RPH3AL: variants seen among roughly 807,000 people sequenced by gnomAD.
RPH3AL encodes the protein rab effector Noc2.
In RPH3AL, 38 loss-of-function variants were observed where a neutral mutation model predicts 43.1. That is an observed-to-expected ratio of 0.88 (90% CI 0.68 to 1.15). The LOEUF (loss-of-function observed/expected upper bound fraction) is 1.15. RPH3AL is among the 50% of genes most tolerant of loss of function. The pLI, the probability that RPH3AL is intolerant of heterozygous loss-of-function variation, is 0.00. For missense variants in RPH3AL, 462 were observed against 423.2 expected (o/e 1.09, Z -0.81); for synonymous variants, 189 against 176.3 (o/e 1.07, Z -0.57).
chr17:306,549 T>G (rs529331895), intron 5 of RPH3AL: 12 of 152,352 alleles, frequency 7.9e-5, no homozygotes, highest in African/African-American at 2.9e-4. Context: ...GGCTAACTCC[T>G]GTCTTCAGAG....
chr17:286,162 A>C (rs1482319528), intron 5 of RPH3AL, among the ~76,000 whole-genome samples: 18 of 152,158 alleles, frequency 1.2e-4, no homozygotes, highest in Non-Finnish European at 1.6e-4. Context: ...GTGTCCACGG[A>C]ACTGAGTCCT....
rs188594184 is a variant in RPH3AL at position 230,821 on chromosome 17, C to T, written c.614-11085G>A. On this transcript the variant is annotated intron_variant, in intron 7 of 9. Coordinates refer to ENST00000331302, the MANE Select transcript of RPH3AL (RefSeq NM_006987.4). ...GGCCTTCACTGTTCTTCCACCTCATCTCTTTGTGCCTCCCTTGTTTTTTGT... is the reference window on the plus strand; with the variant it reads ...GGCCTTCACTGTTCTTCCACCTCATTTCTTTGTGCCTCCCTTGTTTTTTGT... 3.8e-4 allele frequency among the ~76,000 whole-genome samples: 58 copies of T among 152,306 alleles called. No individual in the cohort carries two copies. In the East Asian group the frequency reaches 0.011, roughly 28 times the overall value.
intron 1 of RPH3AL, among the ~76,000 whole-genome samples, chr17:336,310 A>T (rs1481743149): frequency 6.6e-6 from 1 of 152,184 alleles, no homozygotes; most frequent in Non-Finnish European, 1.5e-5. Context: ...AGACTCAGAG[A>T]GGGAGCCTCA....
intron 8 of RPH3AL, among the ~76,000 whole-genome samples, chr17:218,895 G>C (rs12941133): frequency 0.18 from 26,880 of 152,142 alleles, 3,215 homozygotes; most frequent in Non-Finnish European, 0.26. Context: ...AGGGAGGTCT[G>C]CACCTGATTT....
intron 7 of RPH3AL, among the ~76,000 whole-genome samples, chr17:221,645 C>T (rs1475278767): frequency 1.4e-5 from 2 of 145,986 alleles, no homozygotes; most frequent in Non-Finnish European, 3.0e-5. Flanking sequence ...GGGCTCCACT[C>T]ACTGAGACAA....
chr17:274,588 C>A lies in RPH3AL; in HGVS notation c.438+7180G>T, dbSNP rs550458065. ...GGGAGAGCAGGAAGAGCGGAGGAGA[C>A]AGCATAAGCCAGGGGCTGCGGTCCC... On this transcript the variant is annotated intron_variant, in intron 6 of 9. Coordinates refer to ENST00000331302, the MANE Select transcript of RPH3AL (RefSeq NM_006987.4). This position sits in a 1 kb window ranked among gnomAD's most constrained non-coding sequence, Gnocchi z 4.7. 2.0e-5 allele frequency among the ~76,000 whole-genome samples: 3 copies of A among 152,078 alleles called. No individual in the cohort carries two copies. The highest frequency in any genetic ancestry group is 4.4e-5 in the Non-Finnish European group (3 of 68,008).
rs193078042 is a variant in RPH3AL at position 335,052 on chromosome 17, C to G, written c.-212-1118G>C. On this transcript the variant is annotated intron_variant, in intron 1 of 9. Coordinates refer to ENST00000331302, the MANE Select transcript of RPH3AL (RefSeq NM_006987.4). ...TCCTAGGGTGTGGCACGAACGAGCG[C>G]GCTTTCATCCAGCCACAGGGTCCGA... Among the ~76,000 whole-genome samples, 459 of 152,328 alleles carry G rather than the reference C, an allele frequency of 3.0e-3. 1 individual carries two copies. The highest frequency in any genetic ancestry group is 9.6e-3 in the African/African-American group (399 of 41,562).
chr17:278,957 GC>G (rs1161985368), intron 6 of RPH3AL, among the ~76,000 whole-genome samples: 1 of 152,104 alleles, frequency 6.6e-6, no homozygotes, highest in Non-Finnish European at 1.5e-5. Context: ...TACAATTACA[GC>G]CAGAGATGAT....
chr17:321,624 C>T (rs558842713), intron 3 of RPH3AL: 417 of 451,570 alleles, frequency 9.2e-4, no homozygotes, highest in South Asian at 3.6e-3. Flanking sequence ...GCAACAGAGA[C>T]GGCCCAGGTT....
chr17:349,356 G>C (rs1008620593), intron 1 of RPH3AL: 8 of 152,154 alleles, frequency 5.3e-5, no homozygotes, highest in Non-Finnish European at 8.8e-5. Flanking sequence ...AGTGCACCTT[G>C]AGCTTTCACT....
intron 2 of RPH3AL, chr17:332,915 G>C (rs2044825859): frequency 5.7e-6 from 5 of 883,840 alleles, no homozygotes; most frequent in African/African-American, 1.7e-5. Context: ...CGCAGTACAG[G>C]GACTAGGAGG....
intron 5 of RPH3AL, among the ~76,000 whole-genome samples, chr17:316,053 C>A (rs1555519912): frequency 1.1e-4 from 15 of 130,978 alleles, no homozygotes; most frequent in East Asian, 9.9e-4. Flanking sequence ...GTCCCTGTGA[C>A]TCCACCTCCA....
chr17:273,146 C>T (rs1597988403), intron 6 of RPH3AL, among the ~76,000 whole-genome samples: 1 of 39,424 alleles, frequency 2.5e-5, no homozygotes, highest in African/African-American at 7.8e-5. Flanking sequence ...GAGACCCCAG[C>T]GAGGGTGATG....
intron 6 of RPH3AL, among the ~76,000 whole-genome samples, chr17:254,463 T>G (rs1185598407): frequency 7.2e-5 from 1 of 13,864 alleles, no homozygotes; most frequent in Non-Finnish European, 1.2e-4. Flanking sequence ...CGTCTGTCCT[T>G]TTCCGTCCCT....
intron 1 of RPH3AL, among the ~76,000 whole-genome samples, chr17:342,549 A>T (rs1188196021): frequency 6.6e-6 from 1 of 152,280 alleles, no homozygotes. Context: ...GTATCGATTC[A>T]TGCTACAACA....
At chr17:214,033 G>A (rs77852841) in intron 9 of RPH3AL, 110 bp from the exon 10 acceptor site, 58,401 of 785,656 alleles carry the variant, frequency 0.074, 2,600 homozygotes, top group South Asian at 0.15. Context: ...GGGGAAGGCA[G>A]GCTTCTGCTG....
Position 286,008 on chromosome 17 carries a change from G to A in RPH3AL, c.352-4154C>T, listed in dbSNP as rs377017787. On this transcript the variant is annotated intron_variant, in intron 5 of 9. Coordinates refer to ENST00000331302, the MANE Select transcript of RPH3AL (RefSeq NM_006987.4). ...GGGCCCAGGCCCCACTGTGCACCCC[G>A]GGATGCCCTCAACACTTGCTCCGAT... Among the ~76,000 whole-genome samples, 125 of 152,306 alleles carry A rather than the reference G, an allele frequency of 8.2e-4. 3 individuals are homozygous for A. Among genetic ancestry groups the A allele is most frequent in the Middle Eastern group, 3.4e-3 (1 of 294 alleles).
At chr17:297,470 C>T (rs536420208) in intron 5 of RPH3AL, among the ~76,000 whole-genome samples, 5 of 152,250 alleles carry the variant, frequency 3.3e-5, no homozygotes, top group Admixed American at 6.5e-5. Context: ...ACCGAGCCCT[C>T]GTCCTGTGGG....
chr17:334,813 C>T (rs567849970), intron 1 of RPH3AL, among the ~76,000 whole-genome samples: 11 of 51,014 alleles, frequency 2.2e-4, no homozygotes, highest in African/African-American at 5.2e-4. Flanking sequence ...AAGGCAACCA[C>T]CCCCAGCAAG....
Sources: gnomAD v4.1 joint callset for allele counts (sites outside exome capture counted in the v4.1 genomes callset) on GRCh38, gnomAD v4.1.1 for gene constraint, Gnocchi (gnomAD v3.1) non-coding constraint, MANE v1.5 for transcripts, NCBI Gene and HGNC (gene_info 2026-07-23, HGNC 2026-07-21) for gene names.